DAB1: variants seen among roughly 807,000 people sequenced by gnomAD.
The protein encoded by DAB1 is DAB adaptor protein 1.
A neutral mutation model predicts 64.6 loss-of-function variants in DAB1; 15 were observed. The observed-to-expected ratio is 0.23, with a 90% CI of 0.16 to 0.36. The LOEUF is 0.36. DAB1 is among the 10% of genes least tolerant of loss of function. The probability of loss-of-function intolerance (pLI) is 1.00; values close to 1 mark genes in which losing one functional copy is unlikely to be tolerated. For synonymous variants in DAB1, 235 were observed against 251.9 expected, an observed-to-expected ratio of 0.93 and a Z score of 0.64; for missense variants, 596 against 706.7, an observed-to-expected ratio of 0.84 and a Z score of 1.78.
chr1:57,835,213 A>G (rs994986883), intron 1 of DAB1, among the ~76,000 whole-genome samples: 6 of 152,150 alleles, frequency 3.9e-5, no homozygotes, highest in Non-Finnish European at 8.8e-5. Context: ...TTCAGTGTTG[A>G]TATCAGGCAA....
chr1:57,984,388 A>C (rs1646160852), intron 5 of DAB1, among the ~76,000 whole-genome samples: 1 of 151,878 alleles, frequency 6.6e-6, no homozygotes, highest in Non-Finnish European at 1.5e-5. Context: ...TGCAAAACTC[A>C]CTCCTTTCTT....
chr1:57,201,339 C>G (rs980940484), intron 2 of DAB1, among the ~76,000 whole-genome samples: 9 of 151,888 alleles, frequency 5.9e-5, no homozygotes, highest in African/African-American at 2.2e-4. Context: ...AGGCATCCAT[C>G]AACATCCAAA....
chr1:57,966,081 T>C (rs1645658245), intron 5 of DAB1, among the ~76,000 whole-genome samples: 1 of 152,196 alleles, frequency 6.6e-6, no homozygotes, highest in African/African-American at 2.4e-5. Context: ...AGTATTATAA[T>C]AGCAGTGCAT....
intron 1 of DAB1, among the ~76,000 whole-genome samples, chr1:57,852,147 A>T (rs1351350490): frequency 6.6e-6 from 1 of 152,108 alleles, no homozygotes; most frequent in Non-Finnish European, 1.5e-5. Context: ...TGAAACCTAG[A>T]AGGGTCATTC....
intron 6 of DAB1, among the ~76,000 whole-genome samples, chr1:57,769,367 G>A (rs1649458045): frequency 1.3e-5 from 2 of 152,084 alleles, no homozygotes; most frequent in African/African-American, 4.8e-5. Flanking sequence ...GTCTTGTGAG[G>A]ATCAACATTA....
At chr1:58,282,906 G>A (rs1015329910) in intron 4 of DAB1, among the ~76,000 whole-genome samples, 2 of 152,172 alleles carry the variant, frequency 1.3e-5, no homozygotes, top group South Asian at 2.1e-4. Context: ...TTCCATATTA[G>A]GTGTGAACTG....
intron 4 of DAB1, among the ~76,000 whole-genome samples, chr1:58,180,309 T>G: frequency 1.0e-5 from 1 of 99,758 alleles, no homozygotes; most frequent in African/African-American, 3.1e-5. Flanking sequence ...TTTTTTTTTT[T>G]TGAGATAGGA....
intron 5 of DAB1, among the ~76,000 whole-genome samples, chr1:57,981,318 A>C (rs1392154651): frequency 6.6e-6 from 1 of 152,076 alleles, no homozygotes; most frequent in Non-Finnish European, 1.5e-5. Flanking sequence ...AGGAGGAGGA[A>C]GAGGAAGAAA....
chr1:57,417,195 G>C (rs1258160460), intron 1 of DAB1, among the ~76,000 whole-genome samples: 1 of 152,166 alleles, frequency 6.6e-6, no homozygotes, highest in Admixed American at 6.5e-5. Context: ...TTAGCTGAGT[G>C]GTAGGTACAA....
chr1:57,114,206 A>C (rs565453287), intron 4 of DAB1, among the ~76,000 whole-genome samples: 20 of 152,328 alleles, frequency 1.3e-4, no homozygotes, highest in African/African-American at 4.8e-4. Flanking sequence ...TTGTTTGTGA[A>C]TAGACCGCTA....
intron 1 of DAB1, among the ~76,000 whole-genome samples, chr1:57,412,882 C>T (rs1684217694): frequency 6.6e-6 from 1 of 152,208 alleles, no homozygotes; most frequent in African/African-American, 2.4e-5. Flanking sequence ...TACCACATAA[C>T]AAATTTTCAA....
At chr1:58,033,714 A>G (rs1245057866) in intron 5 of DAB1, among the ~76,000 whole-genome samples, 1 of 152,216 alleles carries the variant, frequency 6.6e-6, no homozygotes, top group Non-Finnish European at 1.5e-5. Flanking sequence ...ATTAAGAGTG[A>G]CATTAAATTT....
At position 57,435,106 on chromosome 1, in the gene DAB1, T is replaced by C. The variant is rs59744820; in HGVS notation, n.626-143940A>G. ...CTCTGTCACCCAGGCTGGAGCGTAG[T>C]GGCATGATCTCGGCTCACTGCAGCC... On this transcript the variant is annotated intron_variant and non_coding_transcript_variant, in intron 7 of 20. Transcript: ENST00000485760. Among the ~76,000 whole-genome samples the C allele has an allele frequency of 1.5e-3, 222 of 145,692 alleles. 6 individuals carry two copies. The East Asian group carries it at 0.041, about 27-fold the overall frequency.
intron 1 of DAB1, among the ~76,000 whole-genome samples, chr1:57,835,604 C>A (rs1360938219): frequency 6.6e-6 from 1 of 152,178 alleles, no homozygotes; most frequent in African/African-American, 2.4e-5. Context: ...CTCCAGAGTT[C>A]TCTTCTAGTC....
intron 2 of DAB1, among the ~76,000 whole-genome samples, chr1:57,180,888 T>C (rs1193824870): frequency 2.6e-5 from 4 of 152,196 alleles, no homozygotes; most frequent in Non-Finnish European, 5.9e-5. Flanking sequence ...TTTCTTTTGC[T>C]CTTTCATTGG....
At chr1:57,730,739 G>T (rs939982835) in intron 6 of DAB1, among the ~76,000 whole-genome samples, 5 of 152,114 alleles carry the variant, frequency 3.3e-5, no homozygotes, top group Non-Finnish European at 7.3e-5. Context: ...ATTGTGGTTT[G>T]GTAGACAGAT....
chr1:57,106,957 C>T (rs1034381372), intron 4 of DAB1, among the ~76,000 whole-genome samples: 1 of 152,136 alleles, frequency 6.6e-6, no homozygotes, highest in Non-Finnish European at 1.5e-5. Context: ...GTTCTATCTA[C>T]AGATAGGTGG....
At chr1:57,654,420 A>G (rs1177986182) in intron 6 of DAB1, among the ~76,000 whole-genome samples, 2 of 152,252 alleles carry the variant, frequency 1.3e-5, no homozygotes, top group Admixed American at 6.5e-5. Flanking sequence ...TTATAGGAAG[A>G]GGACCCTAAG....
chr1:58,532,063 T>C (rs17117666), intron 1 of DAB1, among the ~76,000 whole-genome samples: 2,815 of 152,252 alleles, frequency 0.018, 56 homozygotes, highest in East Asian at 0.12. Flanking sequence ...GAAGTTGTTA[T>C]AGAAGAGAAA....
Sources: gnomAD v4.1 joint callset for allele counts (sites outside exome capture counted in the v4.1 genomes callset) on GRCh38, gnomAD v4.1.1 for gene constraint, MANE v1.5 for transcripts, NCBI Gene and HGNC (gene_info 2026-07-23, HGNC 2026-07-21) for gene names.